Variants in USP32 observed in about 807,000 individuals in gnomAD.
The protein encoded by USP32 is ubiquitin specific peptidase 32.
Under a neutral mutation model 204.8 loss-of-function variants are expected in USP32, and 59 were observed. That is an observed-to-expected ratio of 0.29 (90% confidence interval 0.23 to 0.36). The LOEUF (loss-of-function observed/expected upper bound fraction) is 0.36. Ranked by LOEUF, USP32 falls within the 10% of genes least tolerant of loss-of-function variation. The pLI is 1.00. For missense variants in USP32, 1,160 were observed against 1,946.4 expected (o/e 0.60, Z 7.60); for synonymous variants, 517 against 678.4 (o/e 0.76, Z 3.70).
chr17:60,318,946 T>C (rs2088048627), intron 2 of USP32, among the ~76,000 whole-genome samples: 2 of 152,216 alleles, frequency 1.3e-5, no homozygotes, highest in Non-Finnish European at 2.9e-5. Flanking sequence ...TGTTACAACA[T>C]GAATGAACTT....
intron 11 of USP32, among the ~76,000 whole-genome samples, chr17:60,237,086 A>G (rs2085745060): frequency 6.6e-6 from 1 of 151,668 alleles, no homozygotes; most frequent in Non-Finnish European, 1.5e-5. Flanking sequence ...ACACTGTTAC[A>G]CTGGGATTAT....
At chr17:60,370,793 A>G (rs1391433419) in intron 1 of USP32, among the ~76,000 whole-genome samples, 1 of 150,440 alleles carries the variant, frequency 6.6e-6, no homozygotes, top group Non-Finnish European at 1.5e-5. Context: ...AGAAGAAAAG[A>G]GAAAAAAATA....
intron 11 of USP32, among the ~76,000 whole-genome samples, chr17:60,243,780 G>A (rs1353277571): frequency 6.6e-6 from 1 of 152,116 alleles, no homozygotes; most frequent in Non-Finnish European, 1.5e-5. Context: ...ACAATACTCT[G>A]TCTACATTTG....
At chr17:60,378,661 A>G (rs1014603356) in intron 1 of USP32, among the ~76,000 whole-genome samples, 1 of 152,214 alleles carries the variant, frequency 6.6e-6, no homozygotes, top group African/African-American at 2.4e-5. Flanking sequence ...CCTTGAAAAC[A>G]TTATCCTAAG....
At chr17:60,189,863 C>T (rs768491461) in intron 29 of USP32, among the ~76,000 whole-genome samples, 3 of 152,132 alleles carry the variant, frequency 2.0e-5, no homozygotes, top group Non-Finnish European at 2.9e-5. Context: ...CAGAGAGATG[C>T]TTATTGATAT....
chr17:60,282,485 C>T (rs185428914), intron 5 of USP32, among the ~76,000 whole-genome samples: 5 of 152,292 alleles, frequency 3.3e-5, no homozygotes, highest in African/African-American at 1.2e-4. Flanking sequence ...TCCAAGGTAG[C>T]TGGGACTACA....
At chr17:60,246,592 ATT>A (rs1182909635) in intron 11 of USP32, among the ~76,000 whole-genome samples, 1 of 152,002 alleles carries the variant, frequency 6.6e-6, no homozygotes, top group Non-Finnish European at 1.5e-5. Context: ...TGGTGGATCT[ATT>A]TTTAGTTTAT....
chr17:60,351,076 C>T (rs1320143051), intron 1 of USP32, among the ~76,000 whole-genome samples: 1 of 152,022 alleles, frequency 6.6e-6, no homozygotes, highest in Non-Finnish European at 1.5e-5. Context: ...TTTACCCTGT[C>T]CATAGCCCCA....
Position 60,220,832 on chromosome 17 carries a change from A to G in USP32, c.1750-1045T>C, listed in dbSNP as rs575503877. On this transcript the variant is annotated intron_variant, in intron 15 of 33. Coordinates refer to ENST00000300896, the MANE Select transcript of USP32 (RefSeq NM_032582.4). Reference sequence around the variant, plus strand: ...CTAATTTTGTTTTTGTATTTTTAGTAGAGACAGGGTTTCACCGTTGTTAGC... The same window carrying G: ...CTAATTTTGTTTTTGTATTTTTAGTGGAGACAGGGTTTCACCGTTGTTAGC... 1.4e-3 allele frequency among the ~76,000 whole-genome samples: 210 copies of G among 152,050 alleles called. 1 individual carries two copies. Among genetic ancestry groups the G allele is most frequent in the African/African-American group, 4.7e-3 (197 of 41,476 alleles).
chr17:60,397,209 GATA>G (rs1330018052), intron 1 of USP32, among the ~76,000 whole-genome samples: 1 of 152,306 alleles, frequency 6.6e-6, no homozygotes, highest in East Asian at 1.9e-4. Context: ...TCAGTTTCTA[GATA>G]ATAATAACTT....
rs1024758636 is a variant in USP32 at position 60,245,838 on chromosome 17, CCTT to C, written c.1136+6540_1136+6542del. 1.6e-3 allele frequency among the ~76,000 whole-genome samples: 240 copies of C among 150,466 alleles called. 1 individual carries two copies. Among genetic ancestry groups the C allele is most frequent in the African/African-American group, 5.1e-3 (209 of 41,012 alleles). On this transcript the variant is annotated intron_variant, in intron 11 of 33. Transcript: ENST00000300896. ...TTCATATAGGAATGTCTTTAGTTCA[CCTT>C]CTTTTTTTTTTAATGTGTTTTTTTT...
At chr17:60,415,771 A>T (rs2090056132) in intron 1 of USP32, among the ~76,000 whole-genome samples, 1 of 152,158 alleles carries the variant, frequency 6.6e-6, no homozygotes, top group Non-Finnish European at 1.5e-5. Context: ...TTCTAATTGG[A>T]TAATTTGGAG....
In USP32 at chr17:60,269,566, T is replaced by C. The variant is rs771488507; in HGVS notation, c.704-9A>G. ...AAAAGCATTAAACAAACCTGTAAAA[T>C]AGGAAGAGATGCCATAAATCACAGC... On this transcript the variant is annotated splice_polypyrimidine_tract_variant and intron_variant, in intron 6 of 33. Transcript: ENST00000300896. 6.3e-7 allele frequency: 1 copy of C among 1,588,116 alleles called. No individual in the cohort carries two copies. Among genetic ancestry groups the C allele is most frequent in the South Asian group, 1.1e-5 (1 of 87,056 alleles).
chr17:60,350,569 A>T (rs1044291712), intron 1 of USP32, among the ~76,000 whole-genome samples: 4 of 152,230 alleles, frequency 2.6e-5, no homozygotes, highest in African/African-American at 9.6e-5. Flanking sequence ...GATTACAAGC[A>T]TGGGCCACCG....
rs1391692463 is a variant in USP32, at chr17:60,204,593, C to T, written c.3249+854G>A. 4.0e-5 allele frequency among the ~76,000 whole-genome samples: 6 copies of T among 151,678 alleles called. No homozygotes were observed. In the East Asian group the frequency reaches 9.6e-4, roughly 24 times the overall value. On this transcript the variant is annotated intron_variant, in intron 26 of 33. Coordinates refer to ENST00000300896, the MANE Select transcript of USP32 (RefSeq NM_032582.4). Reference sequence around the variant, plus strand: ...AAGCAATTCTCCTGCCTCAGCATCTCGAGTAGCTGAAGCTACAGGCGCATG... The same window carrying T: ...AAGCAATTCTCCTGCCTCAGCATCTTGAGTAGCTGAAGCTACAGGCGCATG...
At chr17:60,277,803 T>C (rs2086873791) in intron 5 of USP32, among the ~76,000 whole-genome samples, 1 of 152,182 alleles carries the variant, frequency 6.6e-6, no homozygotes, top group Admixed American at 6.5e-5. Context: ...TGCCAAAAAC[T>C]TTCTTTATTT....
intron 1 of USP32, among the ~76,000 whole-genome samples, chr17:60,385,864 T>TA (rs2089722509): frequency 6.6e-6 from 1 of 150,978 alleles, no homozygotes. Flanking sequence ...AAAAGATAAT[T>TA]AAAAAAAATT....
At position 60,250,611 on chromosome 17, in the gene USP32, A is replaced by G. The variant is rs531561922; in HGVS notation, c.1136+1770T>C. Among the ~76,000 whole-genome samples, 38 of 152,278 alleles carry G rather than the reference A, an allele frequency of 2.5e-4. 2 individuals are homozygous for G. In the South Asian group the frequency reaches 7.7e-3, roughly 31 times the overall value. On this transcript the variant is annotated intron_variant, in intron 11 of 33. Coordinates refer to ENST00000300896, the MANE Select transcript of USP32 (RefSeq NM_032582.4). ...AAAAACTAGAGACAATCAAGAAAAC[A>G]CTCAAGAATATCAAGACTGAGTCTT...
intron 3 of USP32, among the ~76,000 whole-genome samples, chr17:60,299,173 C>T (rs1312418293): frequency 4.6e-5 from 7 of 152,088 alleles, no homozygotes; most frequent in Non-Finnish European, 1.0e-4. Flanking sequence ...AACAAAACCA[C>T]GTATCAAAAT....
Sources: allele counts gnomAD v4.1 joint callset (sites outside exome capture counted in the v4.1 genomes callset), GRCh38; gene constraint gnomAD v4.1.1; transcripts MANE v1.5; gene names NCBI Gene and HGNC (gene_info 2026-07-23, HGNC 2026-07-21).